ZNF234: variants seen among roughly 807,000 people sequenced by gnomAD.
ZNF234 encodes C2-H2 type zinc finger protein.
In ZNF234, 4 loss-of-function variants were observed where a neutral mutation model predicts 10.3. The ratio of observed to expected loss-of-function variants is 0.39; its 90% CI spans 0.19 to 0.89. ZNF234 has a LOEUF of 0.89. ZNF234 is among the 40% of genes least tolerant of loss of function. The pLI is 0.38. For missense variants in ZNF234, 711 were observed against 836.1 expected, an observed-to-expected ratio of 0.85 and a Z score of 1.85; for synonymous variants, 258 against 280.1, an observed-to-expected ratio of 0.92 and a Z score of 0.79.
At chr19:44,145,448 T>C (rs2147604544) in intron 3 of ZNF234, among the ~76,000 whole-genome samples, 1 of 152,338 alleles carries the variant, frequency 6.6e-6, no homozygotes. Context: ...TCTGAAAACT[T>C]TCTGCTGATT....
At chr19:44,153,193 C>T (rs973875818) in intron 5 of ZNF234, among the ~76,000 whole-genome samples, 38 of 57,390 alleles carry the variant, frequency 6.6e-4, no homozygotes, top group African/African-American at 4.7e-3. Context: ...TATATATATG[C>T]GCCAAGAGTT....
intron 3 of ZNF234, among the ~76,000 whole-genome samples, chr19:44,147,003 A>G (rs974202341): frequency 6.6e-6 from 1 of 151,150 alleles, no homozygotes; most frequent in African/African-American, 2.4e-5. Context: ...TTTAGTAGAG[A>G]TGGGGTTTCA....
Position 44,157,722 on chromosome 19 carries a change from A to C in ZNF234, c.1706A>C (p.Lys569Thr), listed in dbSNP as rs752299150. Residue 569 changes from lysine to threonine, a missense_variant, in exon 6 of 6, where the codon AAA becomes ACA. Lys to Thr is a moderately conservative substitution (Grantham distance 78, BLOSUM62 -1). Transcript: ENST00000426739. ...GTCCACACTGGAGAAAAGCCATACA[A>C]ATGTGGGGAGTGTGGAAAGGGCTTC... ...QKVHTGEKPY[K>T]CGECGKGFKW... 1.9e-6 allele frequency: 3 copies of C among 1,614,070 alleles called. No homozygotes were observed. The highest frequency in any genetic ancestry group is 1.1e-5 in the South Asian group (1 of 91,080).
rs773359698 is a variant in ZNF234 at position 44,144,623 on chromosome 19, A to G, written c.-10A>G. 3 of 1,573,796 alleles carry G rather than the reference A, an allele frequency of 1.9e-6. No individual in the cohort carries two copies. The highest frequency in any genetic ancestry group is 2.4e-5 in the South Asian group (2 of 83,910). On this transcript the variant is annotated 5_prime_UTR_variant, in exon 3 of 6. Coordinates refer to ENST00000426739, the MANE Select transcript of ZNF234 (RefSeq NM_006630.3). ...CAGGACTCTGCAAATTCCCAGAAAC[A>G]GGAGGAAAAATGACCACATTCAAGG...
intron 2 of ZNF234, among the ~76,000 whole-genome samples, chr19:44,144,069 CT>C (rs1968532654): frequency 6.6e-6 from 1 of 152,114 alleles, no homozygotes; most frequent in Non-Finnish European, 1.5e-5. Flanking sequence ...ATTCAGTAAT[CT>C]TTAGGAACTT....
chr19:44,155,360 G>A (rs75021472), intron 5 of ZNF234, among the ~76,000 whole-genome samples: 9,745 of 152,126 alleles, frequency 0.064, 451 homozygotes, highest in East Asian at 0.17. Flanking sequence ...CTTTACTCAT[G>A]GCCTACTTTG....
chr19:44,157,572 A>C lies in ZNF234; in HGVS notation c.1556A>C (p.Lys519Thr). 1 of 1,614,174 alleles carries C rather than the reference A, an allele frequency of 6.2e-7. No homozygotes were observed. The highest frequency in any genetic ancestry group is 8.5e-7 in the Non-Finnish European group (1 of 1,180,024). The part of the protein sequence containing the change: ...EKPYNCEECG[K>T]VFSQASHLLT... ...CCATATAATTGTGAGGAGTGTGGGA[A>C]GGTCTTCAGTCAGGCCTCGCATCTT... is the stretch of plus-strand genomic sequence containing the variant. The change falls in exon 6 of 6, where the codon AAG (lysine) becomes ACG (threonine). Residue 519 changes from lysine to threonine, a missense_variant. Lys to Thr is a moderately conservative substitution (Grantham distance 78). Transcript: ENST00000426739.
intron 2 of ZNF234, among the ~76,000 whole-genome samples, chr19:44,143,757 A>C (rs558357073): frequency 3.9e-5 from 6 of 152,186 alleles, no homozygotes; most frequent in Non-Finnish European, 7.3e-5. Context: ...GGTTGCAGTG[A>C]GCCAAGATTG....
chr19:44,145,494 G>C (rs1294037543), intron 3 of ZNF234, among the ~76,000 whole-genome samples: 2 of 152,204 alleles, frequency 1.3e-5, no homozygotes, highest in Non-Finnish European at 2.9e-5. Flanking sequence ...CTGGGTTCAA[G>C]CAATTCTCCT....
At chr19:44,152,975 A>G (rs1968780059) in intron 5 of ZNF234, among the ~76,000 whole-genome samples, 1 of 152,078 alleles carries the variant, frequency 6.6e-6, no homozygotes, top group Non-Finnish European at 1.5e-5. Context: ...ATTAAAGAAT[A>G]TAGATGTCAT....
In ZNF234 at chr19:44,156,669, A is replaced by C; in HGVS notation, c.653A>C (p.His218Pro). ...GGTAAGGAATTTAGTCAGAGCTCAC[A>C]TCTTCAAACTCATCAGAGAGTCCAC... is the stretch of plus-strand genomic sequence containing the variant. ...VCGKEFSQSS[H>P]LQTHQRVHTV... Residue 218 changes from histidine (H) to proline (P), a missense_variant, in exon 6 of 6, where the codon CAT becomes CCT. Coordinates refer to ENST00000426739, the MANE Select transcript of ZNF234 (RefSeq NM_006630.3). The C allele has an allele frequency of 6.2e-7, 1 of 1,614,206 alleles. No homozygotes were observed. Among genetic ancestry groups the C allele is most frequent in the Non-Finnish European group, 8.5e-7 (1 of 1,180,024 alleles).
At chr19:44,151,964 G>A (rs1968754124) in intron 5 of ZNF234, among the ~76,000 whole-genome samples, 2 of 152,126 alleles carry the variant, frequency 1.3e-5, no homozygotes, top group Non-Finnish European at 2.9e-5. Flanking sequence ...GAATTAGAAC[G>A]TGGATTCTTT....
At chr19:44,143,903 CCT>C (rs558889466) in intron 2 of ZNF234, among the ~76,000 whole-genome samples, 17 of 152,222 alleles carry the variant, frequency 1.1e-4, no homozygotes, top group African/African-American at 3.1e-4. Context: ...CCCCTGTTCC[CCT>C]GTTTGCTTAT....
intron 2 of ZNF234, among the ~76,000 whole-genome samples, chr19:44,143,670 C>T (rs1196964646): frequency 6.7e-6 from 1 of 148,412 alleles, no homozygotes; most frequent in Non-Finnish European, 1.5e-5. Flanking sequence ...AAATTAGCCA[C>T]ATGTGGTAGT....
intron 3 of ZNF234, among the ~76,000 whole-genome samples, chr19:44,145,816 TTGTA>T (rs1388004706): frequency 6.6e-6 from 1 of 152,216 alleles, no homozygotes; most frequent in Non-Finnish European, 1.5e-5. Context: ...CGATCATACT[TTGTA>T]TGTATTTTAT....
At chr19:44,149,571 C>G (rs2147614629) in intron 4 of ZNF234, among the ~76,000 whole-genome samples, 1 of 152,138 alleles carries the variant, frequency 6.6e-6, no homozygotes, top group Admixed American at 6.5e-5. Flanking sequence ...TGAGTGCAGA[C>G]AGAAATGTGA....
At chr19:44,149,084 A>G (rs1474548261) in intron 4 of ZNF234, among the ~76,000 whole-genome samples, 187 bp downstream of exon 4, 1 of 152,230 alleles carries the variant, frequency 6.6e-6, no homozygotes, top group African/African-American at 2.4e-5. Context: ...AATGGAATAC[A>G]TAGCAAATAA....
At chr19:44,148,553 A>G (rs1017860232) in intron 3 of ZNF234, 1 of 633,618 alleles carries the variant, frequency 1.6e-6, no homozygotes, top group Admixed American at 2.0e-5. Flanking sequence ...TGAAGCCACA[A>G]AGGAATTGAA....
rs1968999327 is a variant in ZNF234 at position 44,160,276 on chromosome 19, A to G, written c.*2157A>G. ...GGAAGTTATATAATTGGAATTTATG[A>G]TTATGAGATTAAAATACCAAAAAGA... On this transcript the variant is annotated 3_prime_UTR_variant, in exon 6 of 6. Transcript: ENST00000426739. 6.6e-6 allele frequency: 1 copy of G among 152,198 alleles called. No homozygotes were observed. Among genetic ancestry groups the G allele is most frequent in the South Asian group, 2.1e-4 (1 of 4,834 alleles). 9.4% of individuals were successfully genotyped at this position (152,198 alleles called of 1,614,324 possible).
Sources: gnomAD v4.1 joint callset for allele counts (sites outside exome capture counted in the v4.1 genomes callset) on GRCh38, gnomAD v4.1.1 for gene constraint, MANE v1.5 for transcripts, NCBI Gene and HGNC (gene_info 2026-07-23, HGNC 2026-07-21) for gene names.